Variants in KCNC3 observed in about 807,000 individuals in gnomAD.
KCNC3 encodes the protein potassium voltage-gated channel subfamily C member 3.
KCNC3 carries 22 observed loss-of-function variants against 43.9 expected under a neutral mutation model. The ratio of observed to expected loss-of-function variants is 0.50; its 90% confidence interval spans 0.36 to 0.72. The LOEUF is 0.72. Among genes scored for constraint, KCNC3 ranks in the 30% least tolerant of loss-of-function variants. KCNC3 has a pLI of 0.00. For synonymous variants in KCNC3, 492 were observed against 488.0 expected (o/e 1.01, Z -0.11); for missense variants, 829 against 1,073.8 (o/e 0.77, Z 3.19).
At position 50,312,222 on chromosome 19, in the gene KCNC3, G is replaced by C. The variant is rs1387585359; in HGVS notation, c.*3893C>G. The C allele has an allele frequency of 6.8e-6, 1 of 146,338 alleles. No homozygotes were observed. Among genetic ancestry groups the C allele is most frequent in the African/African-American group, 2.5e-5 (1 of 39,408 alleles). The allele number at this position is 146,338 out of a possible 1,614,324, so 9.1% of individuals were successfully genotyped here. A position where few individuals can be genotyped will look rare whatever the true frequency, so the allele number is the denominator to read the frequency against. On this transcript the variant is annotated 3_prime_UTR_variant, in exon 5 of 5. Transcript: ENST00000477616. Reference sequence around the variant, plus strand: ...CTCCGAACCCCGCCCCCATCCCTGAGAGCGCCCCCTCACCACTCCCCCCAC... The same window carrying C: ...CTCCGAACCCCGCCCCCATCCCTGACAGCGCCCCCTCACCACTCCCCCCAC...
chr19:50,325,199 G>T (rs919016786), intron 1 of KCNC3, among the ~76,000 whole-genome samples: 9 of 152,084 alleles, frequency 5.9e-5, no homozygotes, highest in Non-Finnish European at 1.0e-4. Context: ...GGCCCCTAGA[G>T]ATGTCATGGG....
chr19:50,329,046 G>T lies in KCNC3; in HGVS notation c.37C>A (p.Arg13Ser). The T allele has an allele frequency of 1.5e-6, 2 of 1,345,804 alleles. No individual in the cohort carries two copies. The highest frequency in any genetic ancestry group is 1.8e-5 in the South Asian group (1 of 56,244). The allele number at this position is 1,345,804 out of a possible 1,614,324, so 83.4% of individuals were successfully genotyped here. ...GGCTGCTGCTTGCTGGCCCCCTGGC[G>T]CCCGCGGAAGGACGAGACGCAGACT... is the stretch of plus-strand genomic sequence containing the variant. Reference protein sequence around the residue: ...SSVCVSSFRGRQGASKQQPAP... With the variant: ...SSVCVSSFRGSQGASKQQPAP... The change falls in exon 1 of 5, where the codon CGC becomes AGC. Residue 13 changes from arginine to serine, a missense_variant. By Grantham distance (110) the Arg-to-Ser change is moderately radical. This residue lies in a region of KCNC3 where 129 missense variants were observed against 83.6 expected (regional missense o/e 1.54). Transcript: ENST00000477616.
intron 4 of KCNC3, among the ~76,000 whole-genome samples, chr19:50,317,577 A>G (rs1050714447): frequency 1.3e-5 from 2 of 151,944 alleles, no homozygotes; most frequent in Non-Finnish European, 2.9e-5. Context: ...ATGGCCGAAA[A>G]TCCGTCCTGA....
At chr19:50,320,380 G>C (rs1320801850) in intron 3 of KCNC3, 31 bp from the exon 4 acceptor site, 5 of 539,054 alleles carry the variant, frequency 9.3e-6, no homozygotes, top group African/African-American at 8.0e-5. Context: ...CAGAGAGTTG[G>C]GGGGAATGGA....
rs149378050 is a variant in KCNC3 at position 50,320,957 on chromosome 19, AG to A, written c.1979-174del. On this transcript the variant is annotated intron_variant, in intron 2 of 4. Transcript: ENST00000477616. ...GGGAAGGAGTGGCCAGGAGGGTGGC[AG>A]GGGGCACAGCTGGGAGAGGGTATCA... Among the ~76,000 whole-genome samples the A allele has an allele frequency of 8.3e-3, 868 of 104,502 alleles. 11 individuals are homozygous for A. Among genetic ancestry groups the A allele is most frequent in the African/African-American group, 0.028 (811 of 28,530 alleles). The allele number at this position is 104,502 out of a possible 152,430, so 68.6% of individuals were successfully genotyped here. A position where few individuals can be genotyped will look rare whatever the true frequency, so the allele number is the denominator to read the frequency against.
intron 2 of KCNC3, among the ~76,000 whole-genome samples, chr19:50,320,994 G>C (rs770893090): frequency 1.0e-4 from 15 of 143,658 alleles, no homozygotes; most frequent in Non-Finnish European, 2.1e-4. Flanking sequence ...AGGGGGCGCG[G>C]CTGGGGGGTG....
At chr19:50,325,103 C>T (rs1487907731) in intron 1 of KCNC3, among the ~76,000 whole-genome samples, 1 of 152,034 alleles carries the variant, frequency 6.6e-6, no homozygotes, top group African/African-American at 2.4e-5. Flanking sequence ...AACCAGAGTC[C>T]TGCCACACAG....
intron 2 of KCNC3, 98 bp from the exon 3 acceptor site, chr19:50,320,882 T>C: frequency 8.4e-7 from 1 of 1,193,832 alleles, no homozygotes; most frequent in South Asian, 1.3e-5. Context: ...GATGCTGGGA[T>C]GGTCGGCGGA....
chr19:50,317,888 C>G (rs2036977228), intron 4 of KCNC3, among the ~76,000 whole-genome samples: 1 of 152,196 alleles, frequency 6.6e-6, no homozygotes, highest in Non-Finnish European at 1.5e-5. Flanking sequence ...GCCTCCCAGA[C>G]TCCTGGGCTC....
At chr19:50,325,305 G>C (rs916669112) in intron 1 of KCNC3, among the ~76,000 whole-genome samples, 1 of 152,164 alleles carries the variant, frequency 6.6e-6, no homozygotes, top group Non-Finnish European at 1.5e-5. Flanking sequence ...TTAATCCTGC[G>C]GGTAGTGGAG....
chr19:50,322,854 G>A, intron 2 of KCNC3, 121 bp downstream of exon 2: 1 of 1,024,408 alleles, frequency 9.8e-7, no homozygotes, highest in Non-Finnish European at 1.4e-6. Context: ...CCTGCTGTTG[G>A]TTTTTTTCTC....
At position 50,323,904 on chromosome 19, in the gene KCNC3, T is replaced by A. The variant is rs1253620783; in HGVS notation, c.1049A>T (p.Tyr350Phe). Reference protein sequence around the residue: ...VEVETEPFLTYVEGVCVVWFT... With the variant: ...VEVETEPFLTFVEGVCVVWFT... ...CCAGACCACGCACACCCCCTCCACG[T>A]AGGTCAGGAAGGGCTCCGTCTCCAC... Residue 350 changes from tyrosine to phenylalanine, a missense_variant, in exon 2 of 5, where the codon TAC becomes TTC. Tyr to Phe is a conservative substitution (Grantham distance 22, BLOSUM62 3). Around this residue, in one of 7 missense-constraint regions of KCNC3, gnomAD observed 157 missense variants for 293.5 expected, o/e 0.53. Transcript: ENST00000477616. The A allele has an allele frequency of 6.2e-7, 1 of 1,614,128 alleles. No individual in the cohort carries two copies. Among genetic ancestry groups the A allele is most frequent in the Non-Finnish European group, 8.5e-7 (1 of 1,180,006 alleles).
At position 50,314,838 on chromosome 19, in the gene KCNC3, A is replaced by G; in HGVS notation, c.*1277T>C. 2 of 316,302 alleles carry G rather than the reference A, an allele frequency of 6.3e-6. No homozygotes were observed. The highest frequency in any genetic ancestry group is 6.1e-6 in the Non-Finnish European group (1 of 162,940). 19.6% of individuals were successfully genotyped at this position (316,302 alleles called of 1,614,324 possible). On this transcript the variant is annotated 3_prime_UTR_variant, in exon 5 of 5. Transcript: ENST00000477616. ...CCCGGTCACCCCCGAGTCCCCCCACAGGGGGGAGGGGAGCGCTAAAGGATG... is the reference window on the plus strand; with the variant it reads ...CCCGGTCACCCCCGAGTCCCCCCACGGGGGGGAGGGGAGCGCTAAAGGATG...
upstream of KCNC3, among the ~76,000 whole-genome samples, chr19:50,332,882 G>A (rs2037203194): frequency 1.3e-5 from 2 of 151,956 alleles, no homozygotes; most frequent in Admixed American, 1.3e-4. The surrounding 1 kb of genome is among the most constrained non-coding windows in gnomAD (Gnocchi z 5.8). Flanking sequence ...CCCTGGAATT[G>A]GGGAAGGGTC....
In KCNC3 at chr19:50,323,312, C is replaced by T. The variant is rs2301357; in HGVS notation, c.1641G>A (p.Ser547=). Residue 547 remains serine, a synonymous_variant, in exon 2 of 5, where the codon TCG becomes TCA. Transcript: ENST00000477616. ...VIVNNFGMYY[S]LAMAKQKLPK... is the part of the protein sequence containing the mutation. ...GCAGCTTCTGCTTGGCCATGGCCAG[C>T]GAATAGTACATGCCAAAGTTGTTGA... 9.8e-3 allele frequency: 15,767 copies of T among 1,613,132 alleles called. 686 individuals are homozygous for T. The East Asian group carries it at 0.13, about 13-fold the overall frequency.
At chr19:50,322,152 A>T (rs1048213672) in intron 2 of KCNC3, among the ~76,000 whole-genome samples, 1 of 146,786 alleles carries the variant, frequency 6.8e-6, no homozygotes, top group Admixed American at 6.8e-5. Context: ...GGGGCAGTGC[A>T]GGGGGGGGCC....
intron 4 of KCNC3, among the ~76,000 whole-genome samples, chr19:50,319,041 A>G (rs2036993418): frequency 6.6e-6 from 1 of 151,836 alleles, no homozygotes; most frequent in Non-Finnish European, 1.5e-5. Context: ...CAGTGAATGA[A>G]TGGATTGAAT....
chr19:50,323,894 C>T lies in KCNC3; in HGVS notation c.1059G>A (p.Gly353=), dbSNP rs1216106220. The part of the protein sequence containing the change: ...ETEPFLTYVE[G]VCVVWFTFEF... ...CGAAGGTGAACCAGACCACGCACAC[C>T]CCCTCCACGTAGGTCAGGAAGGGCT... Residue 353 remains glycine (G), a synonymous_variant, in exon 2 of 5, where the codon GGG becomes GGA. Transcript: ENST00000477616. 6.2e-7 allele frequency: 1 copy of T among 1,614,168 alleles called. No individual in the cohort carries two copies. Among genetic ancestry groups the T allele is most frequent in the Non-Finnish European group, 8.5e-7 (1 of 1,180,030 alleles).
rs1168015423 is a variant in KCNC3 at position 50,324,785 on chromosome 19, G to C, written c.871-703C>G. Among the ~76,000 whole-genome samples, 1 of 152,142 alleles carries C rather than the reference G, an allele frequency of 6.6e-6. No individual in the cohort carries two copies. The highest frequency in any genetic ancestry group is 2.4e-5 in the African/African-American group (1 of 41,426). On this transcript the variant is annotated intron_variant, in intron 1 of 4. Coordinates refer to ENST00000477616, the MANE Select transcript of KCNC3 (RefSeq NM_004977.3). The surrounding 1 kb of genome is among the most constrained non-coding windows in gnomAD (Gnocchi z 4.1). ...CCTGAGCTGTTGTTAGGGTATGCAG[G>C]CAGCAGTTAGTTGGGGGGCAAGGTC...
Sources: gnomAD v4.1 joint callset for allele counts (sites outside exome capture counted in the v4.1 genomes callset) on GRCh38, gnomAD v4.1.1 for gene constraint, gnomAD v4.1.1 regional missense constraint, Gnocchi (gnomAD v3.1) non-coding constraint, MANE v1.5 for transcripts, NCBI Gene and HGNC (gene_info 2026-07-23, HGNC 2026-07-21) for gene names.